The following GTPBP1 variants were observed in gnomAD, a reference collection of about 807,000 sequenced individuals.
The protein encoded by GTPBP1 is GTP-binding protein 1.
GTPBP1 carries 23 observed loss-of-function variants against 62.0 expected under a neutral mutation model. The ratio of observed to expected loss-of-function variants is 0.37; its 90% CI spans 0.27 to 0.53. The LOEUF is 0.53. Ranked by LOEUF, GTPBP1 falls within the 20% of genes least tolerant of loss-of-function variation. GTPBP1 has a pLI of 0.89. For synonymous variants in GTPBP1, 344 were observed against 364.4 expected (o/e 0.94, Z 0.64); for missense variants, 640 against 917.3 (o/e 0.70, Z 3.90).
intron 5 of GTPBP1, among the ~76,000 whole-genome samples, chr22:38,723,915 C>T (rs955021782): frequency 2.6e-5 from 4 of 152,174 alleles, no homozygotes; most frequent in African/African-American, 4.8e-5. Flanking sequence ...TTCTAAATGT[C>T]TAAGAGATCC....
At chr22:38,724,608 C>T (rs2145874702) in intron 6 of GTPBP1, among the ~76,000 whole-genome samples, 197 bp downstream of exon 6, 1 of 152,224 alleles carries the variant, frequency 6.6e-6, no homozygotes, top group African/African-American at 2.4e-5. Flanking sequence ...GCATTGTTGC[C>T]CAGGGGTAAT....
rs1233184741 is a variant in GTPBP1 at position 38,726,154 on chromosome 22, A to G, written c.1218+4A>G. The G allele has an allele frequency of 1.9e-6, 3 of 1,610,832 alleles. No individual in the cohort carries two copies. The African/African-American group carries it at 4.0e-5, about 22-fold the overall frequency. ...TGATGACACCTACTCCGTCCCGGTA[A>G]GTGGCTCTGGGCGGGTAGCTGGGTG... On this transcript the variant is annotated splice_donor_region_variant and intron_variant, in intron 7 of 11. Transcript: ENST00000216044. This position sits in a 1 kb window ranked among gnomAD's most constrained non-coding sequence, Gnocchi z 4.1.
At chr22:38,741,824 A>G (rs2092860365), downstream of GTPBP1, among the ~76,000 whole-genome samples, 1 of 152,186 alleles carries the variant, frequency 6.6e-6, no homozygotes, top group Admixed American at 6.5e-5. Flanking sequence ...GCCTCCATCA[A>G]AGAGCAGGAA....
At chr22:38,712,987 T>C (rs989067598) in intron 2 of GTPBP1, among the ~76,000 whole-genome samples, 4 of 152,232 alleles carry the variant, frequency 2.6e-5, no homozygotes, top group Non-Finnish European at 1.5e-5. Flanking sequence ...TTCCTTGTTT[T>C]CAAGATGCTT....
At chr22:38,721,698 C>G (rs1313594926) in intron 4 of GTPBP1, 44 bp from the exon 5 acceptor site, 2 of 1,576,948 alleles carry the variant, frequency 1.3e-6, no homozygotes, top group African/African-American at 1.3e-5. Flanking sequence ...CAGCAGCAAT[C>G]TCTTTCTCTC....
chr22:38,730,573 A>G lies in GTPBP1; in HGVS notation c.1918-39A>G. The G allele has an allele frequency of 5.9e-6, 8 of 1,348,332 alleles. No homozygotes were observed. The highest frequency in any genetic ancestry group is 7.4e-6 in the Non-Finnish European group (7 of 947,014). The allele number at this position is 1,348,332 out of a possible 1,614,324, so 83.5% of individuals were successfully genotyped here. A position where few individuals can be genotyped will look rare whatever the true frequency, so the allele number is the denominator to read the frequency against. On this transcript the variant is annotated intron_variant, in intron 11 of 11. Transcript: ENST00000216044. The surrounding 1 kb of genome is among the most constrained non-coding windows in gnomAD (Gnocchi z 5.6). ...CCTCTGCTCTCTGGCCCTGCTCCTGATGGGCCAGTGCTTCTCAAGCTCCTT... is the reference window on the plus strand; with the variant it reads ...CCTCTGCTCTCTGGCCCTGCTCCTGGTGGGCCAGTGCTTCTCAAGCTCCTT...
downstream of GTPBP1, chr22:38,738,323 C>G: frequency 3.5e-6 from 5 of 1,440,194 alleles, no homozygotes; most frequent in Non-Finnish European, 4.8e-6. This position sits in a 1 kb window ranked among gnomAD's most constrained non-coding sequence, Gnocchi z 6.6. Context: ...CACCCCTCCC[C>G]ACTCCAATCC....
At chr22:38,722,404 C>G (rs2092705067) in intron 5 of GTPBP1, among the ~76,000 whole-genome samples, 3 of 152,290 alleles carry the variant, frequency 2.0e-5, no homozygotes, top group Admixed American at 2.0e-4. Context: ...TGATCAGAAG[C>G]TTTCAATGTG....
chr22:38,738,051 G>T, downstream of GTPBP1: 1 of 877,926 alleles, frequency 1.1e-6, no homozygotes. This position sits in a 1 kb window ranked among gnomAD's most constrained non-coding sequence, Gnocchi z 6.6. Flanking sequence ...CTTGAGCTGT[G>T]GGAAAGGAGA....
chr22:38,710,415 G>C (rs1306396364), intron 2 of GTPBP1, among the ~76,000 whole-genome samples: 1 of 152,218 alleles, frequency 6.6e-6, no homozygotes, highest in African/African-American at 2.4e-5. Context: ...TTGCTCTCCA[G>C]ATGCAGCTGT....
At chr22:38,737,977 G>A (rs746010276), downstream of GTPBP1, 4 of 709,830 alleles carry the variant, frequency 5.6e-6, no homozygotes, top group South Asian at 6.0e-5. This position sits in a 1 kb window ranked among gnomAD's most constrained non-coding sequence, Gnocchi z 4.1. Context: ...TGCCCTTCTG[G>A]AAGGTGCCTT....
chr22:38,741,604 A>G (rs988063208), downstream of GTPBP1: 1 of 1,602,744 alleles, frequency 6.2e-7, no homozygotes, highest in African/African-American at 1.3e-5. Context: ...CAGGTTGGAC[A>G]GAGCCATGCT....
At chr22:38,739,844 G>C (rs770475003), downstream of GTPBP1, 6 of 1,613,538 alleles carry the variant, frequency 3.7e-6, no homozygotes, top group Non-Finnish European at 5.1e-6. This position sits in a 1 kb window ranked among gnomAD's most constrained non-coding sequence, Gnocchi z 6.7. Flanking sequence ...TCCAGCTCTC[G>C]CAGCTGAGCT....
At chr22:38,729,338 C>T (rs569905266) in intron 10 of GTPBP1, 124 bp from the exon 11 acceptor site, 52 of 675,738 alleles carry the variant, frequency 7.7e-5, no homozygotes, top group Non-Finnish European at 8.3e-5. Flanking sequence ...ATCTGCCTTG[C>T]CCTGAACTGG....
chr22:38,713,081 C>T (rs898327152), intron 2 of GTPBP1, among the ~76,000 whole-genome samples: 23 of 152,236 alleles, frequency 1.5e-4, no homozygotes, highest in Non-Finnish European at 4.4e-5. Flanking sequence ...GAGACACAGA[C>T]ATTTGTGGGC....
downstream of GTPBP1, chr22:38,739,159 TG>T: frequency 1.1e-6 from 1 of 895,160 alleles, no homozygotes; most frequent in Non-Finnish European, 1.8e-6. This position sits in a 1 kb window ranked among gnomAD's most constrained non-coding sequence, Gnocchi z 6.7. Flanking sequence ...TGGCCCAGGA[TG>T]GTACTCGGTA....
Position 38,731,010 on chromosome 22 carries a change from T to TTGTGTGTGTGTGTG in GTPBP1, c.*333_*346dup, listed in dbSNP as rs397836314. 413 of 183,740 alleles carry TTGTGTGTGTGTGTG rather than the reference T, an allele frequency of 2.2e-3. 1 individual carries two copies. Among genetic ancestry groups the TTGTGTGTGTGTGTG allele is most frequent in the Middle Eastern group, 4.4e-3 (2 of 450 alleles). 11.4% of individuals were successfully genotyped at this position (183,740 alleles called of 1,614,324 possible). A position where few individuals can be genotyped will look rare whatever the true frequency, so the allele number is the denominator to read the frequency against. On this transcript the variant is annotated 3_prime_UTR_variant, in exon 12 of 12. Transcript: ENST00000216044. ...TATTATATGTCTCTGTCTCTCTCTA[T>TTGTGTGTGTGTGTG]TGTGTGTGTGTGTGTGTGTGTGTGT...
chr22:38,729,730 G>C (rs1487366265), intron 11 of GTPBP1, 68 bp downstream of exon 11: 1 of 1,237,232 alleles, frequency 8.1e-7, no homozygotes, highest in Admixed American at 3.5e-5. Context: ...GATTCGGTGA[G>C]GGTGACATGT....
chr22:38,729,418 T>C (rs751246331), intron 10 of GTPBP1, 44 bp from the exon 11 acceptor site: 2 of 1,456,760 alleles, frequency 1.4e-6, no homozygotes, highest in Non-Finnish European at 1.9e-6. Context: ...CCAGTGCCAC[T>C]GCCCCGCAGC....
Sources: gnomAD v4.1 joint callset for allele counts (sites outside exome capture counted in the v4.1 genomes callset) on GRCh38, gnomAD v4.1.1 for gene constraint, Gnocchi (gnomAD v3.1) non-coding constraint, MANE v1.5 for transcripts, NCBI Gene and HGNC (gene_info 2026-07-23, HGNC 2026-07-21) for gene names.